RHOU: variants seen among roughly 807,000 people sequenced by gnomAD.
The protein encoded by RHOU is rho-related GTP-binding protein RhoU.
A neutral mutation model predicts 12.6 loss-of-function variants in RHOU; 8 were observed. The ratio of observed to expected loss-of-function variants is 0.64; its 90% CI spans 0.37 to 1.15. The LOEUF is 1.15. Among genes scored for constraint, RHOU ranks in the 50% most tolerant of loss-of-function variants. The pLI, the probability that RHOU is intolerant of heterozygous loss-of-function variation, is 0.01. For synonymous variants in RHOU, 161 were observed against 147.4 expected (o/e 1.09, Z -0.67); for missense variants, 258 against 347.0 (o/e 0.74, Z 2.04).
At chr1:228,680,825 G>T in the RHOU span, among the ~76,000 whole-genome samples, 13 of 152,092 alleles carry the variant, frequency 8.5e-5, no homozygotes, top group Admixed American at 8.5e-4. Context: ...TAACAGCTTT[G>T]TGAGCTGCCT....
At chr1:228,661,890 G>T in the RHOU span, among the ~76,000 whole-genome samples, 2 of 152,030 alleles carry the variant, frequency 1.3e-5, no homozygotes, top group Non-Finnish European at 2.9e-5. Context: ...GAGTGAACAG[G>T]TAATCTACAG....
chr1:228,672,716 A>T, the RHOU span, among the ~76,000 whole-genome samples: 1 of 152,196 alleles, frequency 6.6e-6, no homozygotes, highest in Non-Finnish European at 1.5e-5. Context: ...CACCTTTGCC[A>T]TCACCTCAGG....
chr1:228,743,647 T>C lies in RHOU; in HGVS notation c.684T>C (p.Thr228=). Residue 228 remains threonine (T), a synonymous_variant, in exon 3 of 3, where the codon ACT becomes ACC. Coordinates refer to ENST00000366691, the MANE Select transcript of RHOU (RefSeq NM_021205.6). The surrounding 1 kb of genome is among the most constrained non-coding windows in gnomAD (Gnocchi z 5.1). ...AIVAGIQYSD[T]QQQPKKSKSR... Reference sequence around the variant, plus strand: ...TCGCTGGCATTCAATACTCGGACACTCAGCAACAGCCAAAGAAGTCTAAAA... The same window carrying C: ...TCGCTGGCATTCAATACTCGGACACCCAGCAACAGCCAAAGAAGTCTAAAA... The C allele has an allele frequency of 2.5e-6, 4 of 1,614,050 alleles. No individual in the cohort carries two copies. The highest frequency in any genetic ancestry group is 2.5e-6 in the Non-Finnish European group (3 of 1,180,018).
the RHOU span, among the ~76,000 whole-genome samples, chr1:228,661,078 A>G: frequency 6.6e-6 from 1 of 152,188 alleles, no homozygotes; most frequent in Non-Finnish European, 1.5e-5. Context: ...GTGAACTCCC[A>G]TTCACAGTTG....
At chr1:228,727,713 A>G in the RHOU span, among the ~76,000 whole-genome samples, 1 of 152,146 alleles carries the variant, frequency 6.6e-6, no homozygotes, top group Admixed American at 6.5e-5. Context: ...AAGAGCTAGA[A>G]AAGGGAGAGG....
the RHOU span, among the ~76,000 whole-genome samples, chr1:228,659,969 A>C: frequency 2.3e-4 from 29 of 128,350 alleles, no homozygotes; most frequent in East Asian, 6.3e-4. Flanking sequence ...AAAAAAACAA[A>C]AAAAAAAAAA....
At chr1:228,704,125 CA>C in the RHOU span, among the ~76,000 whole-genome samples, 1 of 152,180 alleles carries the variant, frequency 6.6e-6, no homozygotes, top group Non-Finnish European at 1.5e-5. Flanking sequence ...GAAGGCTCAT[CA>C]AGGACTCAAA....
At chr1:228,701,362 T>G in the RHOU span, among the ~76,000 whole-genome samples, 1 of 152,198 alleles carries the variant, frequency 6.6e-6, no homozygotes, top group South Asian at 2.1e-4. Context: ...GGAGACCCAG[T>G]CTTCCCAAAG....
At chr1:228,679,079 T>TG in the RHOU span, among the ~76,000 whole-genome samples, 1 of 6 alleles carries the variant, frequency 0.17, no homozygotes, top group Non-Finnish European at 0.17. Flanking sequence ...TTTTTTTTTT[T>TG]TTTTTTTTTT....
At chr1:228,680,227 G>A in the RHOU span, among the ~76,000 whole-genome samples, 22 of 152,090 alleles carry the variant, frequency 1.4e-4, no homozygotes, top group South Asian at 1.0e-3. Context: ...CATCAGATCT[G>A]GAAGGAGTTG....
chr1:228,684,852 C>G, the RHOU span, among the ~76,000 whole-genome samples: 3,081 of 152,064 alleles, frequency 0.02, 108 homozygotes, highest in African/African-American at 0.07. Context: ...TAGCTCAGAC[C>G]CTAAGAGAGT....
the RHOU span, among the ~76,000 whole-genome samples, chr1:228,696,785 G>A: frequency 6.6e-6 from 1 of 152,032 alleles, no homozygotes; most frequent in Non-Finnish European, 1.5e-5. Flanking sequence ...AGGCTCAAGC[G>A]ATCCACCCGC....
At chr1:228,700,204 C>T in the RHOU span, among the ~76,000 whole-genome samples, 1 of 152,186 alleles carries the variant, frequency 6.6e-6, no homozygotes, top group Admixed American at 6.5e-5. Flanking sequence ...AGGTGCAAAG[C>T]ACTGTTTATT....
the RHOU span, among the ~76,000 whole-genome samples, chr1:228,671,204 C>T: frequency 6.6e-6 from 1 of 152,038 alleles, no homozygotes; most frequent in Non-Finnish European, 1.5e-5. Context: ...AGGTTTTCGC[C>T]ATGTTGGCAA....
chr1:228,657,112 C>A, the RHOU span, among the ~76,000 whole-genome samples: 1 of 151,580 alleles, frequency 6.6e-6, no homozygotes, highest in Admixed American at 6.6e-5. Context: ...CCTGTCTCTA[C>A]TAAAAATACA....
At chr1:228,707,562 C>T in the RHOU span, among the ~76,000 whole-genome samples, 16 of 151,924 alleles carry the variant, frequency 1.1e-4, no homozygotes, top group African/African-American at 2.4e-4. Flanking sequence ...ACACCTCACA[C>T]GGCCGGGTAC....
At position 228,737,842 on chromosome 1, in the gene RHOU, A is replaced by T; in HGVS notation, c.321+111A>T. ...ACTGGGTCATTCTAAAGCCTCATGA[A>T]GTGGACCCACCCCTGCTGTTGGCCC... On this transcript the variant is annotated intron_variant, in intron 2 of 2. Transcript: ENST00000366691. This position sits in a 1 kb window ranked among gnomAD's most constrained non-coding sequence, Gnocchi z 4.1. 1 of 1,169,564 alleles carries T rather than the reference A, an allele frequency of 8.6e-7. No individual in the cohort carries two copies. 72.4% of individuals were successfully genotyped at this position (1,169,564 alleles called of 1,614,324 possible). A position where few individuals can be genotyped will look rare whatever the true frequency, so the allele number is the denominator to read the frequency against.
the RHOU span, among the ~76,000 whole-genome samples, chr1:228,725,470 G>A: frequency 4.6e-5 from 7 of 152,084 alleles, no homozygotes. Flanking sequence ...GAGCAACCCT[G>A]AGCATCTCCC....
the RHOU span, among the ~76,000 whole-genome samples, chr1:228,703,482 C>T: frequency 7.4e-3 from 1,115 of 151,414 alleles, 4 homozygotes; most frequent in Middle Eastern, 0.01. Context: ...GCTGAGATCG[C>T]GCCACTGCAC....
Sources: gnomAD v4.1 joint callset for allele counts (sites outside exome capture counted in the v4.1 genomes callset) on GRCh38, gnomAD v4.1.1 for gene constraint, Gnocchi (gnomAD v3.1) non-coding constraint, MANE v1.5 for transcripts, NCBI Gene and HGNC (gene_info 2026-07-23, HGNC 2026-07-21) for gene names.